Variants in MLH3 observed in about 807,000 individuals in gnomAD.
MLH3 encodes DNA mismatch repair protein Mlh3.
In MLH3, 82 loss-of-function variants were observed where a neutral mutation model predicts 122.2. That is an observed-to-expected ratio of 0.67 (90% CI 0.56 to 0.81). The LOEUF (loss-of-function observed/expected upper bound fraction) is 0.81, where lower values mean the gene tolerates loss of function less well. Ranked by LOEUF, MLH3 falls within the 30% of genes least tolerant of loss-of-function variation. MLH3 has a pLI of 0.00. For missense variants in MLH3, 1,539 were observed against 1,714.5 expected (o/e 0.90, Z 1.81); for synonymous variants, 524 against 599.5 (o/e 0.87, Z 1.84).
rs1889844543 is a variant in MLH3, at chr14:75,015,664, A to AT, written c.*1417dup. The stretch of plus-strand genomic sequence containing the variant: ...ATATGTATTTAGAAGAATAAAAGCC[A>AT]TTTTTTAGACAGTAGGGCCTGTTCT... On this transcript the variant is annotated 3_prime_UTR_variant, in exon 13 of 13. Transcript: ENST00000355774. 1 of 205,368 alleles carries AT rather than the reference A, an allele frequency of 4.9e-6. No individual in the cohort carries two copies. The highest frequency in any genetic ancestry group is 1.9e-4 in the South Asian group (1 of 5,256). The allele number at this position is 205,368 out of a possible 1,614,324, so 12.7% of individuals were successfully genotyped here.
intron 11 of MLH3, among the ~76,000 whole-genome samples, chr14:75,021,700 G>A (rs1207986785): frequency 1.3e-5 from 2 of 152,196 alleles, no homozygotes; most frequent in Admixed American, 6.5e-5. Flanking sequence ...AGGCTGCAAA[G>A]AAAACAGAAC....
In MLH3 at chr14:75,047,405, G is replaced by A; in HGVS notation, c.2251C>T (p.Leu751=). 1 of 1,613,950 alleles carries A rather than the reference G, an allele frequency of 6.2e-7. No individual in the cohort carries two copies. The highest frequency in any genetic ancestry group is 8.5e-7 in the Non-Finnish European group (1 of 1,179,918). The stretch of plus-strand genomic sequence containing the variant: ...CTCTTAAACTTCTCTAAAGATCCTA[G>A]CTGTGAACTCAAGCTTAGCTTCTTA... ...VRKKLSLSSQ[L]GSLEKFKRQY... Residue 751 remains leucine, a synonymous_variant, in exon 2 of 13, where the codon CTA becomes TTA. Coordinates refer to ENST00000355774, the MANE Select transcript of MLH3 (RefSeq NM_001040108.2).
chr14:75,035,157 A>G (rs1041555364), intron 6 of MLH3, among the ~76,000 whole-genome samples: 1 of 151,696 alleles, frequency 6.6e-6, no homozygotes, highest in Non-Finnish European at 1.5e-5. Flanking sequence ...TTGTAGTTAC[A>G]CCCATCTTGA....
chr14:75,038,289 G>T (rs1170888382), intron 6 of MLH3, 51 bp downstream of exon 6: 4 of 1,212,944 alleles, frequency 3.3e-6, no homozygotes, highest in Non-Finnish European at 4.9e-6. Flanking sequence ...ATTAAAAAAA[G>T]GTTACAAGAA....
At chr14:75,019,983 G>T (rs1186955138) in intron 11 of MLH3, among the ~76,000 whole-genome samples, 1 of 152,124 alleles carries the variant, frequency 6.6e-6, no homozygotes, top group African/African-American at 2.4e-5. Flanking sequence ...ATATATAATA[G>T]GAAGACCAAA....
intron 6 of MLH3, among the ~76,000 whole-genome samples, chr14:75,037,938 C>T (rs939724122): frequency 1.3e-5 from 2 of 152,186 alleles, no homozygotes; most frequent in East Asian, 1.9e-4. Flanking sequence ...AAATGTCTGT[C>T]GCCCAGGCTG....
chr14:75,046,410 C>G lies in MLH3; in HGVS notation c.3246G>C (p.Leu1082=), dbSNP rs369807408. 2 of 1,614,026 alleles carry G rather than the reference C, an allele frequency of 1.2e-6. No individual in the cohort carries two copies. The highest frequency in any genetic ancestry group is 1.3e-5 in the African/African-American group (1 of 74,912). ...EDIQAACTKD[L]TTVAVDVVLE... The stretch of plus-strand genomic sequence containing the variant: ...GTACAACATCCACAGCCACAGTTGT[C>G]AGGTCTTTAGTACAAGCAGCCTGAA... Residue 1082 remains leucine, a synonymous_variant, in exon 2 of 13, where the codon CTG becomes CTC. Transcript: ENST00000355774.
At chr14:75,031,632 C>T (rs187428398) in intron 8 of MLH3, among the ~76,000 whole-genome samples, 43 of 152,134 alleles carry the variant, frequency 2.8e-4, no homozygotes, top group Middle Eastern at 3.4e-3. Flanking sequence ...GGTAACATGG[C>T]GAAAACCCAT....
Position 75,048,426 on chromosome 14 carries a change from A to G in MLH3, c.1230T>C (p.Ala410=). The change falls in exon 2 of 13, where the codon GCT becomes GCC. Residue 410 remains alanine, a synonymous_variant. Transcript: ENST00000355774. ...TTTCTGCAGTAGTTTTTCTTTTCAC[A>G]GCTTTTGACTGCAAATTAAACATCT... ...SYEMFNLQSK[A]VKRKTTAENV... is the part of the protein sequence containing the mutation. 6.2e-7 allele frequency: 1 copy of G among 1,608,558 alleles called. No homozygotes were observed. Among genetic ancestry groups the G allele is most frequent in the Non-Finnish European group, 8.5e-7 (1 of 1,178,410 alleles).
intron 9 of MLH3, among the ~76,000 whole-genome samples, chr14:75,023,549 T>C (rs1890430403): frequency 6.6e-6 from 1 of 152,206 alleles, no homozygotes; most frequent in South Asian, 2.1e-4. Context: ...GAAAGTTTAT[T>C]TTCTGAGGCC....
At chr14:75,051,027 AC>A (rs1397905950) in intron 1 of MLH3, 1 of 152,276 alleles carries the variant, frequency 6.6e-6, no homozygotes, top group Non-Finnish European at 1.5e-5. Context: ...GCAGCAACTG[AC>A]GGGTAAACGT....
intron 4 of MLH3, among the ~76,000 whole-genome samples, chr14:75,040,449 CAAAAAAAAAAAAAAAA>C (rs36233766): frequency 4.8e-4 from 17 of 35,596 alleles, no homozygotes; most frequent in South Asian, 4.3e-3. Flanking sequence ...GACTCTGTCA[CAAAAAAAAAAAAAAAA>C]AAAAAAAAAA....
Position 75,047,515 on chromosome 14 carries a change from G to A in MLH3, c.2141C>T (p.Ser714Phe), listed in dbSNP as rs761786098. ...GTGTCTATACCAGGGGAAAGAGGGG[G>A]ATGTATCAGATAATATGCAATCTGT... ...SQTDCILSDT[S>F]PSFPWYRHVS... The change falls in exon 2 of 13, where the codon TCC (serine) becomes TTC (phenylalanine). Residue 714 changes from serine to phenylalanine, a missense_variant. By Grantham distance (155) the Ser-to-Phe change is radical. Transcript: ENST00000355774. The A allele has an allele frequency of 6.2e-7, 1 of 1,613,988 alleles. No homozygotes were observed. Among genetic ancestry groups the A allele is most frequent in the Non-Finnish European group, 8.5e-7 (1 of 1,179,968 alleles).
chr14:75,018,873 TAGA>T lies in MLH3; in HGVS notation c.4195_4197del (p.Ser1399del), dbSNP rs1890076897. 6.2e-7 allele frequency: 1 copy of T among 1,614,044 alleles called. No individual in the cohort carries two copies. Among genetic ancestry groups the T allele is most frequent in the African/African-American group, 1.3e-5 (1 of 74,918 alleles). On this transcript the variant is annotated inframe_deletion, in exon 12 of 13. Transcript: ENST00000355774. Reference sequence around the variant, plus strand: ...TGGTCTATGTCAGCTAACGGCAGCATAGAAGGTCTCCCGTGAGCACACTGGAAT... The same window carrying T: ...TGGTCTATGTCAGCTAACGGCAGCATAGGTCTCCCGTGAGCACACTGGAAT...
At position 75,027,289 on chromosome 14, in the gene MLH3, C is replaced by T. The variant is rs535241825; in HGVS notation, c.3987+3254G>A. On this transcript the variant is annotated intron_variant, in intron 9 of 12. Transcript: ENST00000355774. ...CTTTTTTTTTTTTGAGACAGAGTTT[C>T]ACTCTTGTCACCCAGGCTGGGGTGC... 5.0e-4 allele frequency among the ~76,000 whole-genome samples: 75 copies of T among 150,218 alleles called. No homozygotes were observed. The South Asian group carries it at 0.013, about 26-fold the overall frequency.
In MLH3 at chr14:75,046,903, T is replaced by C. The variant is rs1892273867; in HGVS notation, c.2753A>G (p.Asp918Gly). 2 of 1,613,934 alleles carry C rather than the reference T, an allele frequency of 1.2e-6. No homozygotes were observed. Among genetic ancestry groups the C allele is most frequent in the Middle Eastern group, 1.6e-4 (1 of 6,084 alleles). ...DSKLCSVLTQDFCMLFNNKHE... is the reference protein window; with the variant it reads ...DSKLCSVLTQGFCMLFNNKHE... ...CTTGTTGTTAAATAACATACAAAAA[T>C]CTTGTGTTAACACACTGCACAACTT... is the stretch of plus-strand genomic sequence containing the variant. Residue 918 changes from aspartate (D) to glycine (G), a missense_variant, in exon 2 of 13, where the codon GAT becomes GGT. Transcript: ENST00000355774.
chr14:75,017,109 T>C lies in MLH3; in HGVS notation c.4335A>G (p.Gln1445=), dbSNP rs13712. 0.54 allele frequency: 864,663 copies of C among 1,612,868 alleles called. 236,314 individuals are homozygous for C. The highest frequency in any genetic ancestry group is 0.83 in the East Asian group (37,182 of 44,864). Residue 1445 remains glutamine (Q), a synonymous_variant, in exon 13 of 13, where the codon CAA becomes CAG. Coordinates refer to ENST00000355774, the MANE Select transcript of MLH3 (RefSeq NM_001040108.2). ...ATGGTGGCTCACAGGGAGGCATGGA[T>C]TGCTGCAGGCTCTGCCTTGTATCAC... The part of the protein sequence containing the change: ...AECDTRQSLQ[Q]SMPPCEPP
At position 75,028,440 on chromosome 14, in the gene MLH3, C is replaced by T. The variant is rs769726157; in HGVS notation, c.3987+2103G>A. Among the ~76,000 whole-genome samples, 8 of 137,386 alleles carry T rather than the reference C, an allele frequency of 5.8e-5. No individual in the cohort carries two copies. The East Asian group carries it at 6.3e-4, about 11-fold the overall frequency. The allele number at this position is 137,386 out of a possible 152,430, so 90.1% of individuals were successfully genotyped here. Reference sequence around the variant, plus strand: ...AATTTTTTTTTTTTTTTTTTTGAGACGGAGTCTTACTGTGTCACTCAGGCT... The same window carrying T: ...AATTTTTTTTTTTTTTTTTTTGAGATGGAGTCTTACTGTGTCACTCAGGCT... On this transcript the variant is annotated intron_variant, in intron 9 of 12. Transcript: ENST00000355774.
Position 75,048,867 on chromosome 14 carries a change from C to A in MLH3, c.789G>T (p.Lys263Asn). The A allele has an allele frequency of 2.5e-6, 4 of 1,614,016 alleles. No individual in the cohort carries two copies. Among genetic ancestry groups the A allele is most frequent in the Non-Finnish European group, 3.4e-6 (4 of 1,179,962 alleles). The change falls in exon 2 of 13, where the codon AAG becomes AAT. Residue 263 changes from lysine to asparagine, a missense_variant. Transcript: ENST00000355774. ...FVNKRLVLRT[K>N]LHKLIDFLLR... is the part of the protein sequence containing the mutation. The stretch of plus-strand genomic sequence containing the variant: ...ATAAAAAGTCAATGAGTTTATGTAG[C>A]TTTGTCCTTAAAACTAGTCTTTTGT...
Sources: gnomAD v4.1 joint callset for allele counts (sites outside exome capture counted in the v4.1 genomes callset) on GRCh38, gnomAD v4.1.1 for gene constraint, MANE v1.5 for transcripts, NCBI Gene and HGNC (gene_info 2026-07-23, HGNC 2026-07-21) for gene names.